The following ASGR2 variants were observed in gnomAD, a reference collection of about 807,000 sequenced individuals.
ASGR2 encodes the protein asialoglycoprotein receptor 2.
Under a neutral mutation model 32.3 loss-of-function variants are expected in ASGR2, and 34 were observed. The observed-to-expected ratio is 1.05, with a 90% confidence interval of 0.80 to 1.40. The LOEUF (loss-of-function observed/expected upper bound fraction) is 1.40. Ranked by LOEUF, ASGR2 falls within the 40% of genes most tolerant of loss-of-function variation. ASGR2 has a pLI of 0.00. For missense variants in ASGR2, 385 were observed against 386.4 expected (o/e 1.00, Z 0.03); for synonymous variants, 143 against 150.0 (o/e 0.95, Z 0.34).
intron 7 of ASGR2, 62 bp from the exon 8 acceptor site, chr17:7,102,258 G>T: frequency 2.3e-5 from 32 of 1,367,028 alleles, no homozygotes; most frequent in Non-Finnish European, 3.1e-5. Flanking sequence ...CCTCCATGCA[G>T]GCATGGAACT....
chr17:7,101,603 C>T lies in ASGR2; in HGVS notation c.893G>A (p.Arg298Lys). 6.2e-7 allele frequency: 1 copy of T among 1,614,196 alleles called. No homozygotes were observed. Among genetic ancestry groups the T allele is most frequent in the South Asian group, 1.1e-5 (1 of 91,086 alleles). The change falls in exon 9 of 9, where the codon AGG becomes AAG. Residue 298 changes from arginine to lysine, a missense_variant. By Grantham distance (26) the Arg-to-Lys change is conservative. Coordinates refer to ENST00000691900, the MANE Select transcript of ASGR2 (RefSeq NM_001201352.2). Reference protein sequence around the residue: ...LQVYRWVCEKRRNATGEVA With the variant: ...LQVYRWVCEKKRNATGEVA ...GGCCACCTCGCCGGTGGCATTCCGCCTTTTCTCACACACCCAGCGGTACAC... is the reference window on the plus strand; with the variant it reads ...GGCCACCTCGCCGGTGGCATTCCGCTTTTTCTCACACACCCAGCGGTACAC...
Position 7,107,023 on chromosome 17 carries a change from C to A in ASGR2, c.625G>T (p.Val209Phe). Residue 209 changes from valine (V) to phenylalanine (F), a missense_variant, in exon 7 of 9, where the codon GTC becomes TTC. Val to Phe is a conservative substitution (Grantham distance 50). Transcript: ENST00000691900. This position sits in a 1 kb window ranked among gnomAD's most constrained non-coding sequence, Gnocchi z 5.0. ...YCQLENAHLVVINSWEEQKFI... is the reference protein window; with the variant it reads ...YCQLENAHLVFINSWEEQKFI... ...ACCTGCTCCTCCCAGGAGTTGATGA[C>A]CACCAGGTGTGCGTTCTCCAGCTGG... 6.2e-7 allele frequency: 1 copy of A among 1,614,182 alleles called. No individual in the cohort carries two copies. The highest frequency in any genetic ancestry group is 2.2e-5 in the East Asian group (1 of 44,880).
At position 7,113,448 on chromosome 17, in the gene ASGR2, AAC is replaced by A. The variant is rs367813612; in HGVS notation, c.124+667_124+668del. Among the ~76,000 whole-genome samples the A allele has an allele frequency of 1.5e-4, 22 of 149,606 alleles. No homozygotes were observed. Among genetic ancestry groups the A allele is most frequent in the African/African-American group, 5.5e-4 (22 of 40,086 alleles). On this transcript the variant is annotated intron_variant, in intron 2 of 8. Coordinates refer to ENST00000691900, the MANE Select transcript of ASGR2 (RefSeq NM_001201352.2). The surrounding 1 kb of genome is among the most constrained non-coding windows in gnomAD (Gnocchi z 5.1). ...CGCACAACATACACAACACTCACACAACACACAAACATACATACACTCACACA... is the reference window on the plus strand; with the variant it reads ...CGCACAACATACACAACACTCACACAACACAAACATACATACACTCACACA...
Position 7,107,344 on chromosome 17 carries a change from C to T in ASGR2, c.410-27G>A. The T allele has an allele frequency of 6.2e-7, 1 of 1,607,406 alleles. No homozygotes were observed. The highest frequency in any genetic ancestry group is 8.5e-7 in the Non-Finnish European group (1 of 1,179,116). ...TAGGACAGACAGGCTGAAAGTGCTG[C>T]CGGCAGGTGTGGTCCCCACCTGCTA... On this transcript the variant is annotated intron_variant, in intron 5 of 8. Transcript: ENST00000691900. The surrounding 1 kb of genome is among the most constrained non-coding windows in gnomAD (Gnocchi z 5.0).
In ASGR2 at chr17:7,110,428, C is replaced by CA. The variant is rs1457024168; in HGVS notation, c.125-1541dup. On this transcript the variant is annotated intron_variant, in intron 2 of 8. Transcript: ENST00000691900. The stretch of plus-strand genomic sequence containing the variant: ...ACTGCTGTCTTCAGCACCCTCCACT[C>CA]AGAGGGTCCTGTCCTGCTTCCCAGT... Among the ~76,000 whole-genome samples, 4 of 152,204 alleles carry CA rather than the reference C, an allele frequency of 2.6e-5. No individual in the cohort carries two copies. In the East Asian group the frequency reaches 7.7e-4, roughly 29 times the overall value.
At position 7,107,818 on chromosome 17, in the gene ASGR2, C is replaced by G; in HGVS notation, c.409+18G>C. Reference sequence around the variant, plus strand: ...ACACATGCACGCACATGCGCACACACCCCGGAGGCTCTCTGACCTGCTTTC... The same window carrying G: ...ACACATGCACGCACATGCGCACACAGCCCGGAGGCTCTCTGACCTGCTTTC... On this transcript the variant is annotated intron_variant, in intron 5 of 8. Transcript: ENST00000691900. The surrounding 1 kb of genome is among the most constrained non-coding windows in gnomAD (Gnocchi z 5.0). 1 of 1,612,240 alleles carries G rather than the reference C, an allele frequency of 6.2e-7. No homozygotes were observed. Among genetic ancestry groups the G allele is most frequent in the Non-Finnish European group, 8.5e-7 (1 of 1,179,790 alleles).
intron 7 of ASGR2, among the ~76,000 whole-genome samples, chr17:7,105,459 C>T (rs138160309): frequency 7.8e-4 from 119 of 152,258 alleles, no homozygotes; most frequent in Admixed American, 3.5e-3. Flanking sequence ...GGGCGAATCG[C>T]TTGAGGCCAG....
intron 2 of ASGR2, among the ~76,000 whole-genome samples, chr17:7,111,370 A>C (rs1914590940): frequency 6.6e-6 from 1 of 152,224 alleles, no homozygotes; most frequent in African/African-American, 2.4e-5. Context: ...ATGAAAAAAC[A>C]CACTGGCCAG....
chr17:7,114,534 A>G lies in ASGR2; in HGVS notation c.-71+81T>C, dbSNP rs1597400687. On this transcript the variant is annotated intron_variant, in intron 1 of 8. Transcript: ENST00000691900. The surrounding 1 kb of genome is among the most constrained non-coding windows in gnomAD (Gnocchi z 4.5). ...TGGACCCGACCACCCACAGCTTCCC[A>G]TGGGGTCCTCCCCATCCCTGAACCA... The G allele has an allele frequency of 9.1e-6, 11 of 1,202,556 alleles. No individual in the cohort carries two copies. The East Asian group carries it at 4.9e-4, about 54-fold the overall frequency. 74.5% of individuals were successfully genotyped at this position (1,202,556 alleles called of 1,614,324 possible). A position where few individuals can be genotyped will look rare whatever the true frequency, so the allele number is the denominator to read the frequency against.
At position 7,108,504 on chromosome 17, in the gene ASGR2, A is replaced by C; in HGVS notation, c.295T>G (p.Ser99Ala). ...TGGACCTCCGTCAGGGTGCTCGAGG[A>C]GAAGTTGCTGAAAGCTTCCTTCAGG... Reference protein sequence around the residue: ...RSLKEAFSNFSSSTLTEVQAI... With the variant: ...RSLKEAFSNFASSTLTEVQAI... The change falls in exon 4 of 9, where the codon TCC (serine) becomes GCC (alanine). Residue 99 changes from serine (S) to alanine (A), a missense_variant. By Grantham distance (99) the Ser-to-Ala change is moderately conservative. Coordinates refer to ENST00000691900, the MANE Select transcript of ASGR2 (RefSeq NM_001201352.2). This position sits in a 1 kb window ranked among gnomAD's most constrained non-coding sequence, Gnocchi z 4.9. 1 of 1,609,918 alleles carries C rather than the reference A, an allele frequency of 6.2e-7. No individual in the cohort carries two copies. Among genetic ancestry groups the C allele is most frequent in the Non-Finnish European group, 8.5e-7 (1 of 1,178,210 alleles).
chr17:7,104,449 C>T (rs1197611610), intron 7 of ASGR2, among the ~76,000 whole-genome samples: 1 of 148,110 alleles, frequency 6.8e-6, no homozygotes, highest in African/African-American at 2.5e-5. Flanking sequence ...GTCAGGAGTT[C>T]AAGACCAGCC....
In ASGR2 at chr17:7,107,421, T is replaced by C; in HGVS notation, c.410-104A>G. On this transcript the variant is annotated intron_variant, in intron 5 of 8. Transcript: ENST00000691900. The surrounding 1 kb of genome is among the most constrained non-coding windows in gnomAD (Gnocchi z 5.0). Reference sequence around the variant, plus strand: ...TATACACCCACAGACACGTACACCATGCATAGACCACACCACACACCATAC... The same window carrying C: ...TATACACCCACAGACACGTACACCACGCATAGACCACACCACACACCATAC... 2 of 1,164,822 alleles carry C rather than the reference T, an allele frequency of 1.7e-6. No individual in the cohort carries two copies. Among genetic ancestry groups the C allele is most frequent in the Non-Finnish European group, 2.5e-6 (2 of 808,386 alleles). The allele number at this position is 1,164,822 out of a possible 1,614,324, so 72.2% of individuals were successfully genotyped here.
intron 7 of ASGR2, 93 bp downstream of exon 7, chr17:7,106,903 CAAAA>C (rs66599223): frequency 6.8e-5 from 89 of 1,308,940 alleles, no homozygotes; most frequent in Admixed American, 3.4e-4. Context: ...GACTCCATCT[CAAAA>C]AAAAAAAAAA....
In ASGR2 at chr17:7,114,676, A is replaced by C; in HGVS notation, c.-132T>G. 1 of 1,023,376 alleles carries C rather than the reference A, an allele frequency of 9.8e-7. No homozygotes were observed. The highest frequency in any genetic ancestry group is 1.2e-6 in the Non-Finnish European group (1 of 852,582). The allele number at this position is 1,023,376 out of a possible 1,614,324, so 63.4% of individuals were successfully genotyped here. On this transcript the variant is annotated 5_prime_UTR_variant, in exon 1 of 9. Transcript: ENST00000691900. This position sits in a 1 kb window ranked among gnomAD's most constrained non-coding sequence, Gnocchi z 4.5. ...CAGGCAACCCTGGCCTTGGCCAAGG[A>C]GGGGTTAAAGCCAGGAGAACTGGGG... is the stretch of plus-strand genomic sequence containing the variant.
In ASGR2 at chr17:7,107,255, G is replaced by A; in HGVS notation, c.472C>T (p.Gln158Ter). 4.3e-6 allele frequency: 7 copies of A among 1,614,136 alleles called. No homozygotes were observed. Among genetic ancestry groups the A allele is most frequent in the Non-Finnish European group, 5.9e-6 (7 of 1,180,032 alleles). ...FPVDLRFVAC[Q>*]MELLHSNGSQ... Reference sequence around the variant, plus strand: ...CCGTTGCTGTGGAGGAGCTCCATCTGGCAGGCCACGAAGCGCAGGTCCACG... The same window carrying A: ...CCGTTGCTGTGGAGGAGCTCCATCTAGCAGGCCACGAAGCGCAGGTCCACG... Residue 158 changes from glutamine (Q) to a stop codon, truncating the protein, a stop_gained, in exon 6 of 9, where the codon CAG becomes TAG. Coordinates refer to ENST00000691900, the MANE Select transcript of ASGR2 (RefSeq NM_001201352.2). LOFTEE classifies it high-confidence loss of function. This position sits in a 1 kb window ranked among gnomAD's most constrained non-coding sequence, Gnocchi z 5.0.
rs572530220 is a variant in ASGR2 at position 7,114,004 on chromosome 17, C to T, written c.124+113G>A. 26 of 1,480,014 alleles carry T rather than the reference C, an allele frequency of 1.8e-5. No individual in the cohort carries two copies. Among genetic ancestry groups the T allele is most frequent in the Non-Finnish European group, 2.3e-5 (25 of 1,096,640 alleles). 91.7% of individuals were successfully genotyped at this position (1,480,014 alleles called of 1,614,324 possible). A position where few individuals can be genotyped will look rare whatever the true frequency, so the allele number is the denominator to read the frequency against. On this transcript the variant is annotated intron_variant, in intron 2 of 8. Transcript: ENST00000691900. This position sits in a 1 kb window ranked among gnomAD's most constrained non-coding sequence, Gnocchi z 4.5. ...GAGGTGAGGGAACAAGCGGGGGTGT[C>T]GGGCCCTCCTCAGTCCCTGTTCACA...
chr17:7,113,667 ACACACAACATATACT>A lies in ASGR2; in HGVS notation c.124+435_124+449del, dbSNP rs1344007577. Among the ~76,000 whole-genome samples, 2 of 151,690 alleles carry A rather than the reference ACACACAACATATACT, an allele frequency of 1.3e-5. No individual in the cohort carries two copies. The highest frequency in any genetic ancestry group is 2.9e-5 in the Non-Finnish European group (2 of 67,914). ...CACAACATACACTCACACACAAGAT[ACACACAACATATACT>A]CACACAACATACACACACAACACAC... On this transcript the variant is annotated intron_variant, in intron 2 of 8. Transcript: ENST00000691900. This position sits in a 1 kb window ranked among gnomAD's most constrained non-coding sequence, Gnocchi z 5.1.
intron 2 of ASGR2, among the ~76,000 whole-genome samples, chr17:7,111,423 A>G (rs578024626): frequency 3.2e-4 from 48 of 152,076 alleles, no homozygotes; most frequent in South Asian, 1.2e-3. Flanking sequence ...GTGGGAGGCC[A>G]AGGCGGGCAG....
chr17:7,110,823 G>A (rs1031814892), intron 2 of ASGR2, among the ~76,000 whole-genome samples: 1 of 152,180 alleles, frequency 6.6e-6, no homozygotes, highest in African/African-American at 2.4e-5. Flanking sequence ...ATCAGGCAAG[G>A]AGGAGTAAAG....
Sources: allele counts gnomAD v4.1 joint callset (sites outside exome capture counted in the v4.1 genomes callset), GRCh38; gene constraint gnomAD v4.1.1; non-coding constraint Gnocchi (gnomAD v3.1); transcripts MANE v1.5; gene names NCBI Gene and HGNC (gene_info 2026-07-23, HGNC 2026-07-21).